Variants in CSRNP3 observed in about 807,000 individuals in gnomAD.
CSRNP3 encodes cysteine and serine rich nuclear protein 3, also known as cysteine/serine-rich nuclear protein 3.
Under a neutral mutation model 48.0 loss-of-function variants are expected in CSRNP3, and 12 were observed. The observed-to-expected ratio is 0.25, with a 90% CI of 0.16 to 0.41. The LOEUF (loss-of-function observed/expected upper bound fraction) is 0.41, where lower values mean the gene tolerates loss of function less well. CSRNP3 is among the 10% of genes least tolerant of loss of function. CSRNP3 has a pLI of 1.00. For synonymous variants in CSRNP3, 263 were observed against 269.7 expected (o/e 0.98, Z 0.24); for missense variants, 580 against 724.4 (o/e 0.80, Z 2.29).
intron 4 of CSRNP3, among the ~76,000 whole-genome samples, chr2:165,598,525 T>C (rs1021949576): frequency 2.0e-5 from 3 of 152,256 alleles, no homozygotes; most frequent in Non-Finnish European, 4.4e-5. Context: ...TAGTTTATCT[T>C]GTGTTTATGT....
rs886675702 is a variant in CSRNP3, at chr2:165,651,030, AAAC to A, written c.149-6725_149-6723del. On this transcript the variant is annotated intron_variant, in intron 4 of 6. Coordinates refer to ENST00000651982, the MANE Select transcript of CSRNP3 (RefSeq NM_001172173.2). ...CTTTGCTGATAGGTGTTGACATAAAAAACAACAAGTGTACTTAAAGAGGATGAC... is the reference window on the plus strand; with the variant it reads ...CTTTGCTGATAGGTGTTGACATAAAAAACAAGTGTACTTAAAGAGGATGAC... Among the ~76,000 whole-genome samples the A allele has an allele frequency of 3.9e-5, 6 of 152,340 alleles. No homozygotes were observed. In the East Asian group the frequency reaches 5.8e-4, roughly 15 times the overall value.
intron 3 of CSRNP3, among the ~76,000 whole-genome samples, chr2:165,556,315 T>C (rs764541576): frequency 2.4e-4 from 37 of 152,148 alleles, no homozygotes; most frequent in Non-Finnish European, 4.7e-4. Flanking sequence ...GGTTCACTGT[T>C]TGACACACTG....
chr2:165,637,048 A>T (rs989630014), intron 4 of CSRNP3, among the ~76,000 whole-genome samples: 8 of 152,190 alleles, frequency 5.3e-5, no homozygotes, highest in Admixed American at 2.0e-4. Context: ...TTTTTAGCTA[A>T]AATTTCTGAT....
chr2:165,524,020 G>T (rs1684698310), intron 3 of CSRNP3, among the ~76,000 whole-genome samples: 2 of 152,156 alleles, frequency 1.3e-5, no homozygotes, highest in Non-Finnish European at 2.9e-5. Flanking sequence ...TGTCTATGGG[G>T]TGTCAATGTC....
intron 3 of CSRNP3, among the ~76,000 whole-genome samples, chr2:165,549,649 C>T (rs1685073141): frequency 6.6e-6 from 1 of 152,064 alleles, no homozygotes; most frequent in African/African-American, 2.4e-5. Context: ...CACTAACACT[C>T]AAACTGGGAA....
intron 1 of CSRNP3, among the ~76,000 whole-genome samples, chr2:165,471,551 T>C (rs1037307567): frequency 6.6e-6 from 1 of 152,084 alleles, no homozygotes; most frequent in Non-Finnish European, 1.5e-5. Context: ...TTATTCTGTT[T>C]CCTTGGAAAC....
intron 3 of CSRNP3, among the ~76,000 whole-genome samples, chr2:165,590,626 C>T (rs1574852295): frequency 6.6e-6 from 1 of 152,028 alleles, no homozygotes; most frequent in South Asian, 2.1e-4. Context: ...TCATGGAGGC[C>T]GTTACCTTCA....
intron 5 of CSRNP3, among the ~76,000 whole-genome samples, chr2:165,675,474 T>C (rs1687408455): frequency 6.6e-6 from 1 of 152,170 alleles, no homozygotes; most frequent in Non-Finnish European, 1.5e-5. Context: ...CGTGATACAA[T>C]AGTAAGAAAT....
chr2:165,484,818 T>C (rs1352489663), intron 1 of CSRNP3, among the ~76,000 whole-genome samples: 1 of 152,234 alleles, frequency 6.6e-6, no homozygotes, highest in African/African-American at 2.4e-5. Context: ...ATCGCAATTT[T>C]GGTAGTTCAA....
chr2:165,560,152 T>A (rs1380729808), intron 3 of CSRNP3, among the ~76,000 whole-genome samples: 1 of 152,184 alleles, frequency 6.6e-6, no homozygotes, highest in Non-Finnish European at 1.5e-5. Context: ...ACAATTAGGT[T>A]CTATTGCTTT....
intron 1 of CSRNP3, among the ~76,000 whole-genome samples, chr2:165,483,056 GTA>G (rs1684069384): frequency 1.4e-5 from 2 of 146,922 alleles, no homozygotes; most frequent in African/African-American, 5.0e-5. Flanking sequence ...ATATATATAT[GTA>G]TATAAAAATA....
At chr2:165,506,427 C>T (rs1022910827) in intron 2 of CSRNP3, among the ~76,000 whole-genome samples, 4 of 151,962 alleles carry the variant, frequency 2.6e-5, no homozygotes, top group East Asian at 1.9e-4. Context: ...CCAACCCATC[C>T]GTGCCTCAGA....
chr2:165,624,024 C>T (rs1317541058), intron 4 of CSRNP3, among the ~76,000 whole-genome samples: 1 of 152,172 alleles, frequency 6.6e-6, no homozygotes, highest in Non-Finnish European at 1.5e-5. Flanking sequence ...CGCTCCCACT[C>T]CTACAACCAA....
chr2:165,558,155 A>G (rs758031980), intron 3 of CSRNP3, among the ~76,000 whole-genome samples: 28 of 152,258 alleles, frequency 1.8e-4, no homozygotes, highest in South Asian at 4.1e-4. Flanking sequence ...GGAAAAAACT[A>G]TTGTAGAGTA....
intron 1 of CSRNP3, 135 bp from the exon 2 acceptor site, chr2:165,494,624 T>C (rs1008711494): frequency 3.3e-5 from 5 of 152,810 alleles, no homozygotes; most frequent in Non-Finnish European, 7.3e-5. Context: ...TCCAACATTA[T>C]GGGGAGAATA....
At chr2:165,584,857 G>T (rs1269586974) in intron 3 of CSRNP3, among the ~76,000 whole-genome samples, 1 of 152,042 alleles carries the variant, frequency 6.6e-6, no homozygotes, top group Non-Finnish European at 1.5e-5. Flanking sequence ...TGTGCCACAC[G>T]TAAAATATAC....
intron 4 of CSRNP3, among the ~76,000 whole-genome samples, chr2:165,651,862 G>T (rs1050546471): frequency 6.6e-6 from 1 of 151,944 alleles, no homozygotes; most frequent in Non-Finnish European, 1.5e-5. Context: ...CACCATGCTG[G>T]CCAGGCTGGT....
At position 165,666,619 on chromosome 2, in the gene CSRNP3, A is replaced by G. The variant is rs1687214889; in HGVS notation, c.408+8599A>G. Among the ~76,000 whole-genome samples, 2 of 90,620 alleles carry G rather than the reference A, an allele frequency of 2.2e-5. 1 individual carries two copies. Among genetic ancestry groups the G allele is most frequent in the Non-Finnish European group, 5.1e-5 (2 of 39,292 alleles). 59.5% of individuals were successfully genotyped at this position (90,620 alleles called of 152,430 possible). A position where few individuals can be genotyped will look rare whatever the true frequency, so the allele number is the denominator to read the frequency against. On this transcript the variant is annotated intron_variant, in intron 5 of 6. Coordinates refer to ENST00000651982, the MANE Select transcript of CSRNP3 (RefSeq NM_001172173.2). ...GATAGAGAGAGATGAAGAAAGAGAG[A>G]AAGGAAGGAAGTAAGGGAGGAAAGA... is the stretch of plus-strand genomic sequence containing the variant.
chr2:165,656,287 G>A (rs76684506), intron 4 of CSRNP3, among the ~76,000 whole-genome samples: 3,822 of 152,154 alleles, frequency 0.025, 161 homozygotes, highest in African/African-American at 0.087. Flanking sequence ...TTCTACCATG[G>A]CTTCTAATTT....
Sources: gnomAD v4.1 joint callset for allele counts (sites outside exome capture counted in the v4.1 genomes callset) on GRCh38, gnomAD v4.1.1 for gene constraint, MANE v1.5 for transcripts, NCBI Gene and HGNC (gene_info 2026-07-23, HGNC 2026-07-21) for gene names.